Variants in UBE2G1 observed in about 807,000 individuals in gnomAD.
UBE2G1 encodes the protein ubiquitin-conjugating enzyme E2 G1.
In UBE2G1, 5 loss-of-function variants were observed where a neutral mutation model predicts 22.7. That is an observed-to-expected ratio of 0.22 (90% CI 0.12 to 0.46). UBE2G1 has a LOEUF of 0.46. Ranked by LOEUF, UBE2G1 falls within the 20% of genes least tolerant of loss-of-function variation. The pLI is 0.99. For missense variants in UBE2G1, 88 were observed against 203.9 expected (o/e 0.43, Z 3.46); for synonymous variants, 74 against 67.5 (o/e 1.10, Z -0.47).
chr17:4,299,420 A>G (rs541542674), intron 2 of UBE2G1, among the ~76,000 whole-genome samples: 1 of 152,104 alleles, frequency 6.6e-6, no homozygotes, highest in African/African-American at 2.4e-5. Flanking sequence ...AAAAAGAGTC[A>G]ATGTAAAAGG....
At chr17:4,312,065 C>T (rs1351544539) in intron 1 of UBE2G1, among the ~76,000 whole-genome samples, 4 of 151,730 alleles carry the variant, frequency 2.6e-5, no homozygotes, top group African/African-American at 9.7e-5. Context: ...CTGGCTAACA[C>T]AGTGAAACCT....
chr17:4,323,201 A>G (rs1180270136), intron 1 of UBE2G1, among the ~76,000 whole-genome samples: 1 of 152,232 alleles, frequency 6.6e-6, no homozygotes, highest in Non-Finnish European at 1.5e-5. Context: ...ATTTAAAAAG[A>G]AAACGTGTCA....
chr17:4,347,306 T>C (rs895673148), intron 1 of UBE2G1, among the ~76,000 whole-genome samples: 2 of 152,028 alleles, frequency 1.3e-5, no homozygotes, highest in Non-Finnish European at 2.9e-5. Context: ...CAAAATTTAT[T>C]TATGTTTCAT....
At chr17:4,272,811 G>A (rs547396938) in intron 5 of UBE2G1, among the ~76,000 whole-genome samples, 14 of 152,240 alleles carry the variant, frequency 9.2e-5, no homozygotes, top group Non-Finnish European at 1.8e-4. Flanking sequence ...CAGCACAGCT[G>A]TATCCTTATC....
At chr17:4,298,369 C>T (rs1969135172) in intron 2 of UBE2G1, among the ~76,000 whole-genome samples, 1 of 152,092 alleles carries the variant, frequency 6.6e-6, no homozygotes, top group African/African-American at 2.4e-5. Context: ...TTTGTATACA[C>T]ATAGAAAAAT....
At chr17:4,292,400 T>G (rs1969053174) in intron 3 of UBE2G1, among the ~76,000 whole-genome samples, 17 of 151,864 alleles carry the variant, frequency 1.1e-4, no homozygotes, top group Admixed American at 1.1e-3. Flanking sequence ...AGCTACCTCC[T>G]TTTTCTTGAG....
intron 1 of UBE2G1, among the ~76,000 whole-genome samples, chr17:4,354,203 C>T (rs767265596): frequency 6.6e-6 from 1 of 152,132 alleles, no homozygotes; most frequent in Non-Finnish European, 1.5e-5. Flanking sequence ...CTCCTCAAAG[C>T]CCTCCATGAA....
rs1273108707 is a variant in UBE2G1, at chr17:4,353,482, CACAT to C, written c.46+12785_46+12788del. ...ATATATACACACACACACACACACACACATATAATGTCACACCCCAGCATTTTTT... is the reference window on the plus strand; with the variant it reads ...ATATATACACACACACACACACACACATAATGTCACACCCCAGCATTTTTT... On this transcript the variant is annotated intron_variant, in intron 1 of 5. Coordinates refer to ENST00000396981, the MANE Select transcript of UBE2G1 (RefSeq NM_003342.5). Among the ~76,000 whole-genome samples, 50 of 151,442 alleles carry C rather than the reference CACAT, an allele frequency of 3.3e-4. 1 individual carries two copies. In the East Asian group the frequency reaches 9.5e-3, roughly 29 times the overall value.
chr17:4,335,514 C>T (rs1337031643), intron 1 of UBE2G1, among the ~76,000 whole-genome samples: 1 of 152,140 alleles, frequency 6.6e-6, no homozygotes, highest in Non-Finnish European at 1.5e-5. Flanking sequence ...CATAAGAGCA[C>T]TCAAACAACC....
chr17:4,278,895 T>C (rs1240379556), intron 5 of UBE2G1, among the ~76,000 whole-genome samples: 1 of 152,214 alleles, frequency 6.6e-6, no homozygotes, highest in Non-Finnish European at 1.5e-5. Flanking sequence ...ACTTTAGCTT[T>C]ACTTCGGACT....
intron 2 of UBE2G1, among the ~76,000 whole-genome samples, chr17:4,305,280 T>C (rs983847163): frequency 1.3e-5 from 2 of 152,220 alleles, no homozygotes; most frequent in African/African-American, 4.8e-5. Flanking sequence ...TGGTTCTTGG[T>C]AGCATTCTAA....
At chr17:4,347,485 T>TTTTC in intron 1 of UBE2G1, among the ~76,000 whole-genome samples, 1 of 145,010 alleles carries the variant, frequency 6.9e-6, no homozygotes, top group East Asian at 2.0e-4. Context: ...TTTTTTTTTT[T>TTTTC]TTTTTTGGAC....
chr17:4,296,639 T>C (rs1367510771), intron 3 of UBE2G1, 78 bp downstream of exon 3: 1 of 1,042,016 alleles, frequency 9.6e-7, no homozygotes, highest in Non-Finnish European at 1.5e-6. Flanking sequence ...GAGAAACAGA[T>C]CTTTCTTATT....
chr17:4,326,155 C>G (rs1014232266), intron 1 of UBE2G1, among the ~76,000 whole-genome samples: 1 of 151,366 alleles, frequency 6.6e-6, no homozygotes, highest in Non-Finnish European at 1.5e-5. Flanking sequence ...CAAAAGCAAC[C>G]CCCAAAAAAA....
intron 2 of UBE2G1, chr17:4,301,665 GT>G: frequency 1.3e-6 from 1 of 764,402 alleles, no homozygotes. Context: ...TGGACAGGTT[GT>G]TTTGTTCTGG....
intron 1 of UBE2G1, among the ~76,000 whole-genome samples, chr17:4,362,463 T>C (rs542850912): frequency 8.9e-4 from 135 of 152,172 alleles, no homozygotes; most frequent in African/African-American, 3.1e-3. Flanking sequence ...CTATCTATAA[T>C]GCACAGAATA....
intron 1 of UBE2G1, among the ~76,000 whole-genome samples, chr17:4,322,535 T>C (rs1410392967): frequency 6.6e-6 from 1 of 152,228 alleles, no homozygotes; most frequent in Non-Finnish European, 1.5e-5. Context: ...ATGTTGTGCA[T>C]GAAATATAAC....
intron 2 of UBE2G1, chr17:4,301,630 T>C (rs1969181106): frequency 7.5e-6 from 7 of 929,590 alleles, no homozygotes; most frequent in Middle Eastern, 2.2e-4. Flanking sequence ...TGGGGCACAA[T>C]TACTTTTAGC....
In UBE2G1 at chr17:4,271,103, A is replaced by C. The variant is rs1319442893; in HGVS notation, c.*1451T>G. 4 of 152,264 alleles carry C rather than the reference A, an allele frequency of 2.6e-5. No individual in the cohort carries two copies. The highest frequency in any genetic ancestry group is 4.4e-5 in the Non-Finnish European group (3 of 68,048). 9.4% of individuals were successfully genotyped at this position (152,264 alleles called of 1,614,324 possible). A position where few individuals can be genotyped will look rare whatever the true frequency, so the allele number is the denominator to read the frequency against. ...GCCTAAGGCCTGCCTTTAACACTGC[A>C]CATGTTCATTTTACCATTTGCTGAA... On this transcript the variant is annotated 3_prime_UTR_variant, in exon 6 of 6. Transcript: ENST00000396981.
Sources: gnomAD v4.1 joint callset for allele counts (sites outside exome capture counted in the v4.1 genomes callset) on GRCh38, gnomAD v4.1.1 for gene constraint, MANE v1.5 for transcripts, NCBI Gene and HGNC (gene_info 2026-07-23, HGNC 2026-07-21) for gene names.